The following XRRA1 variants were observed in gnomAD, a reference collection of about 807,000 sequenced individuals.
The protein encoded by XRRA1 is X-ray radiation resistance associated 1, also known as X-ray radiation resistance-associated protein 1.
A neutral mutation model predicts 80.2 loss-of-function variants in XRRA1; 69 were observed. That is an observed-to-expected ratio of 0.86 (90% CI 0.71 to 1.05). The LOEUF is 1.05. Ranked by LOEUF, XRRA1 falls within the 50% of genes least tolerant of loss-of-function variation. The pLI, the probability that XRRA1 is intolerant of heterozygous loss-of-function variation, is 0.00. For synonymous variants in XRRA1, 348 were observed against 389.9 expected (o/e 0.89, Z 1.27); for missense variants, 967 against 976.4 (o/e 0.99, Z 0.13).
chr11:74,907,254 G>C lies in XRRA1; in HGVS notation c.676C>G (p.Leu226Val). The change falls in exon 9 of 19, where the codon CTG (leucine) becomes GTG (valine). Residue 226 changes from leucine to valine, a missense_variant. By Grantham distance (32) the Leu-to-Val change is conservative. Transcript: ENST00000684022. ...VAEQEASVTS[L>V]TSKRYILRFP... ...CTCAGGATGTACCTCTTGCTTGTCAGCGATGTTACAGATGCCTCCCTGTGA... is the reference window on the plus strand; with the variant it reads ...CTCAGGATGTACCTCTTGCTTGTCACCGATGTTACAGATGCCTCCCTGTGA... 6.2e-7 allele frequency: 1 copy of C among 1,613,978 alleles called. No homozygotes were observed. The highest frequency in any genetic ancestry group is 8.5e-7 in the Non-Finnish European group (1 of 1,179,872).
At position 74,940,091 on chromosome 11, in the gene XRRA1, C is replaced by G. The variant is rs530497408; in HGVS notation, c.94+694G>C. On this transcript the variant is annotated intron_variant, in intron 3 of 18. Transcript: ENST00000684022. Reference sequence around the variant, plus strand: ...AACAAGTTACAACATCTGGAGTAAACAAGGTTTACTTCTCCTTTGCCCTAC... The same window carrying G: ...AACAAGTTACAACATCTGGAGTAAAGAAGGTTTACTTCTCCTTTGCCCTAC... Among the ~76,000 whole-genome samples the G allele has an allele frequency of 2.6e-5, 4 of 152,292 alleles. No homozygotes were observed. The South Asian group carries it at 8.3e-4, about 32-fold the overall frequency.
chr11:74,936,934 G>A lies in XRRA1; in HGVS notation c.229C>T (p.Arg77Trp), dbSNP rs371652320. 65 of 1,613,620 alleles carry A rather than the reference G, an allele frequency of 4.0e-5. No homozygotes were observed. The highest frequency in any genetic ancestry group is 2.2e-5 in the East Asian group (1 of 44,872). Residue 77 changes from arginine to tryptophan, a missense_variant, in exon 4 of 19, where the codon CGG (arginine) becomes TGG (tryptophan). By Grantham distance (101) the Arg-to-Trp change is moderately radical. Coordinates refer to ENST00000684022, the MANE Select transcript of XRRA1 (RefSeq NM_001378157.1). ...CCAGGAAGGTCCACCTGATTTTCCC[G>A]CCGAGACTCTTTCTTCCCCTTGAAC... ...FEFKGKKESR[R>W]ENQVDLPGHI...
intron 10 of XRRA1, among the ~76,000 whole-genome samples, chr11:74,892,393 C>T (rs1281007027): frequency 6.6e-6 from 1 of 152,126 alleles, no homozygotes; most frequent in African/African-American, 2.4e-5. Flanking sequence ...ACCCCTTATA[C>T]AAAAATTAAT....
At chr11:74,865,308 C>T (rs2043167722) in intron 10 of XRRA1, among the ~76,000 whole-genome samples, 1 of 152,172 alleles carries the variant, frequency 6.6e-6, no homozygotes. Flanking sequence ...TGCGATTTGG[C>T]CCCGCCTGCT....
At chr11:74,846,912 A>C (rs1403418200) in intron 15 of XRRA1, among the ~76,000 whole-genome samples, 1 of 152,146 alleles carries the variant, frequency 6.6e-6, no homozygotes, top group Non-Finnish European at 1.5e-5. Flanking sequence ...AGGCCAGAAA[A>C]AAAAAGATTT....
chr11:74,941,055 A>G (rs1946240971), intron 2 of XRRA1, among the ~76,000 whole-genome samples, 173 bp from the exon 3 acceptor site: 1 of 152,140 alleles, frequency 6.6e-6, no homozygotes, highest in Non-Finnish European at 1.5e-5. Flanking sequence ...GGCTGTTTAC[A>G]TGAAGAGAGA....
At position 74,852,642 on chromosome 11, in the gene XRRA1, G is replaced by A. The variant is rs143888350; in HGVS notation, c.1171-560C>T. 1.8e-4 allele frequency among the ~76,000 whole-genome samples: 28 copies of A among 152,304 alleles called. 1 individual carries two copies. The East Asian group carries it at 5.4e-3, about 29-fold the overall frequency. On this transcript the variant is annotated intron_variant, in intron 12 of 18. Transcript: ENST00000684022. ...GGGATAAGTAGAGCCAGTGTTAAGA[G>A]AGACCTCATGGCTGTCTGGGACACA...
intron 8 of XRRA1, among the ~76,000 whole-genome samples, chr11:74,911,005 G>T (rs1427373509): frequency 1.3e-5 from 2 of 152,144 alleles, no homozygotes; most frequent in African/African-American, 4.8e-5. Context: ...ATGGCATGGG[G>T]ATGTGTGTGA....
chr11:74,948,021 T>C (rs2140158448), intron 1 of XRRA1, among the ~76,000 whole-genome samples: 1 of 152,352 alleles, frequency 6.6e-6, no homozygotes, highest in South Asian at 2.1e-4. Context: ...CCGAGATAAT[T>C]ATTTTCACAT....
intron 11 of XRRA1, 33 bp downstream of exon 11, chr11:74,862,948 C>T (rs1471081123): frequency 6.5e-7 from 1 of 1,534,514 alleles, no homozygotes; most frequent in Non-Finnish European, 8.9e-7. Context: ...TGTTCTAACT[C>T]AGGAACACAA....
At chr11:74,853,109 A>G (rs2040279258) in intron 12 of XRRA1, among the ~76,000 whole-genome samples, 1 of 152,248 alleles carries the variant, frequency 6.6e-6, no homozygotes, top group Non-Finnish European at 1.5e-5. Context: ...CTGCCCTCAG[A>G]GAGCACTGTC....
chr11:74,859,234 T>C lies in XRRA1; in HGVS notation c.1094A>G (p.Lys365Arg). The change falls in exon 12 of 19, where the codon AAG becomes AGG. Residue 365 changes from lysine (K) to arginine (R), a missense_variant. Transcript: ENST00000684022. ...CGTCTGGTTCCTGGCCTTCAGTGAC[T>C]TCACAGGAAGGATCTCGAATATGGG... is the stretch of plus-strand genomic sequence containing the variant. The part of the protein sequence containing the change: ...LPPIFEILPV[K>R]SLKARNQTLA... 1 of 1,610,756 alleles carries C rather than the reference T, an allele frequency of 6.2e-7. No individual in the cohort carries two copies. Among genetic ancestry groups the C allele is most frequent in the Non-Finnish European group, 8.5e-7 (1 of 1,178,722 alleles).
intron 10 of XRRA1, among the ~76,000 whole-genome samples, chr11:74,871,687 T>C (rs1034312057): frequency 6.6e-6 from 1 of 151,964 alleles, no homozygotes. Flanking sequence ...ATCTCCAAAA[T>C]TCCCCACTCC....
intron 5 of XRRA1, chr11:74,933,197 A>C (rs1944070092): frequency 6.6e-6 from 1 of 152,244 alleles, no homozygotes. Flanking sequence ...TCACACAATG[A>C]ATTATGTACC....
chr11:74,932,629 T>C (rs1330983529), intron 5 of XRRA1, among the ~76,000 whole-genome samples: 2 of 152,210 alleles, frequency 1.3e-5, no homozygotes, highest in African/African-American at 2.4e-5. Context: ...ACCAGCCATG[T>C]TGTAGCCCTC....
chr11:74,878,869 T>G (rs1406144603), intron 10 of XRRA1, among the ~76,000 whole-genome samples: 3 of 151,964 alleles, frequency 2.0e-5, no homozygotes, highest in Admixed American at 6.6e-5. Context: ...TACTGTAGCC[T>G]TATAGTATAG....
intron 14 of XRRA1, among the ~76,000 whole-genome samples, chr11:74,849,685 G>A (rs1280425297): frequency 6.6e-6 from 1 of 152,198 alleles, no homozygotes; most frequent in Non-Finnish European, 1.5e-5. Context: ...GGAGGAATGG[G>A]TAACCTAACT....
At chr11:74,855,223 G>C (rs982607095) in intron 12 of XRRA1, among the ~76,000 whole-genome samples, 2 of 152,172 alleles carry the variant, frequency 1.3e-5, no homozygotes, top group African/African-American at 4.8e-5. Flanking sequence ...AATATGTTTT[G>C]ATAAATGACT....
At chr11:74,859,391 A>G (rs1253067193) in intron 11 of XRRA1, 108 bp from the exon 12 acceptor site, 1 of 1,300,366 alleles carries the variant, frequency 7.7e-7, no homozygotes, top group Non-Finnish European at 1.0e-6. Context: ...ACCTTCCTAG[A>G]GAGACTTGGC....
Sources: allele counts gnomAD v4.1 joint callset (sites outside exome capture counted in the v4.1 genomes callset), GRCh38; gene constraint gnomAD v4.1.1; transcripts MANE v1.5; gene names NCBI Gene and HGNC (gene_info 2026-07-23, HGNC 2026-07-21).